Variants in CALD1 observed in about 807,000 individuals in gnomAD.
CALD1 encodes the protein caldesmon 1.
Under a neutral mutation model 99.9 loss-of-function variants are expected in CALD1, and 33 were observed. That is an observed-to-expected ratio of 0.33 (90% CI 0.25 to 0.44). CALD1 has a LOEUF of 0.44. CALD1 is among the 20% of genes least tolerant of loss of function. CALD1 has a pLI of 1.00. For missense variants in CALD1, 861 were observed against 962.1 expected, an observed-to-expected ratio of 0.89 and a Z score of 1.39; for synonymous variants, 310 against 325.0, an observed-to-expected ratio of 0.95 and a Z score of 0.50.
At chr7:134,871,826 C>T (rs550449004) in intron 3 of CALD1, among the ~76,000 whole-genome samples, 7 of 152,160 alleles carry the variant, frequency 4.6e-5, no homozygotes, top group South Asian at 2.1e-4. Context: ...TACTTTTACC[C>T]GGTGTTATAA....
chr7:134,796,050 G>A (rs750893314), intron 1 of CALD1, among the ~76,000 whole-genome samples: 6 of 152,156 alleles, frequency 3.9e-5, no homozygotes, highest in African/African-American at 9.6e-5. Context: ...ATAAAACAAC[G>A]GCTCTTTCCA....
intron 1 of CALD1, among the ~76,000 whole-genome samples, chr7:134,780,856 T>C (rs1422208994): frequency 3.3e-5 from 5 of 152,200 alleles, no homozygotes; most frequent in African/African-American, 7.2e-5. Flanking sequence ...GAGTGAAGAC[T>C]AGATGCTATA....
the CALD1 span, among the ~76,000 whole-genome samples, chr7:134,711,523 A>C: frequency 6.6e-6 from 1 of 152,128 alleles, no homozygotes; most frequent in Admixed American, 6.5e-5. Flanking sequence ...CTTCAGCAGC[A>C]ACACCAGCTC....
intron 1 of CALD1, among the ~76,000 whole-genome samples, chr7:134,765,768 T>C (rs757447649): frequency 6.6e-6 from 1 of 152,088 alleles, no homozygotes; most frequent in African/African-American, 2.4e-5. Context: ...TCAAAGGTGA[T>C]TGGATCGTGG....
chr7:134,879,712 A>G (rs1360394764), intron 3 of CALD1, among the ~76,000 whole-genome samples: 1 of 152,242 alleles, frequency 6.6e-6, no homozygotes, highest in African/African-American at 2.4e-5. Flanking sequence ...CCAGGTAGGT[A>G]GACTTAAACA....
At chr7:134,761,042 C>T (rs941281588) in intron 1 of CALD1, among the ~76,000 whole-genome samples, 8 of 152,064 alleles carry the variant, frequency 5.3e-5, no homozygotes, top group South Asian at 2.1e-4. Context: ...TAACAGCGAA[C>T]GGTGAAAAGG....
At chr7:134,829,197 C>G (rs1157025743) in intron 1 of CALD1, among the ~76,000 whole-genome samples, 1 of 152,120 alleles carries the variant, frequency 6.6e-6, no homozygotes, top group Admixed American at 6.6e-5. Context: ...CATAAGTAAC[C>G]AAACATAAAT....
chr7:134,730,572 T>C, the CALD1 span, among the ~76,000 whole-genome samples: 6 of 152,188 alleles, frequency 3.9e-5, no homozygotes, highest in African/African-American at 1.4e-4. Flanking sequence ...ATCTCAAAAA[T>C]GTCTTCTCTC....
At chr7:134,851,099 T>C (rs1800060141) in intron 2 of CALD1, among the ~76,000 whole-genome samples, 1 of 152,216 alleles carries the variant, frequency 6.6e-6, no homozygotes, top group African/African-American at 2.4e-5. Context: ...AGTGTGAGAA[T>C]AGACTAATAC....
At chr7:134,741,322 C>T (rs562509216), upstream of CALD1, among the ~76,000 whole-genome samples, 14 of 152,266 alleles carry the variant, frequency 9.2e-5, no homozygotes, top group East Asian at 1.4e-3. Context: ...ATAAAACTAT[C>T]GGATCTTGTG....
At chr7:134,852,887 A>T (rs777322132) in intron 2 of CALD1, among the ~76,000 whole-genome samples, 18 of 152,314 alleles carry the variant, frequency 1.2e-4, no homozygotes, top group Non-Finnish European at 1.9e-4. Context: ...GTGGTACTCA[A>T]AGTGGAAAAG....
intron 9 of CALD1, among the ~76,000 whole-genome samples, chr7:134,955,166 C>T (rs992640315): frequency 1.3e-5 from 2 of 152,110 alleles, no homozygotes; most frequent in Non-Finnish European, 2.9e-5. Context: ...CCAAGGTGGG[C>T]GAATCATGAG....
At chr7:134,934,105 G>C in intron 5 of CALD1, 28 bp downstream of exon 5, 1 of 1,581,920 alleles carries the variant, frequency 6.3e-7, no homozygotes, top group Non-Finnish European at 8.6e-7. Context: ...CACCAAATGT[G>C]TGATGCCTGT....
At chr7:134,867,648 C>T in intron 2 of CALD1, 45 bp from the exon 3 acceptor site, 1 of 689,018 alleles carries the variant, frequency 1.5e-6, no homozygotes, top group Non-Finnish European at 2.4e-6. Context: ...GGAGAAGTAA[C>T]ACACTGAGTT....
chr7:134,789,995 G>A (rs963872077), intron 1 of CALD1, among the ~76,000 whole-genome samples: 1 of 150,824 alleles, frequency 6.6e-6, no homozygotes, highest in Non-Finnish European at 1.5e-5. Context: ...CTGAGATTGG[G>A]TTGTTTTGCA....
intron 1 of CALD1, among the ~76,000 whole-genome samples, chr7:134,804,943 G>A (rs1029948643): frequency 2.0e-5 from 3 of 152,184 alleles, no homozygotes; most frequent in African/African-American, 7.2e-5. Context: ...CAGTCTTTCT[G>A]ATAACTCAGG....
intron 6 of CALD1, among the ~76,000 whole-genome samples, chr7:134,938,481 T>C (rs1168555454): frequency 2.6e-5 from 4 of 152,180 alleles, no homozygotes; most frequent in African/African-American, 9.7e-5. Flanking sequence ...ATGCTAATGT[T>C]ATCTGTGTAT....
intron 1 of CALD1, among the ~76,000 whole-genome samples, chr7:134,819,786 G>A (rs1361354889): frequency 6.6e-6 from 1 of 152,198 alleles, no homozygotes; most frequent in Non-Finnish European, 1.5e-5. Context: ...TGAGGCAGGA[G>A]GAATGCTTGA....
intron 3 of CALD1, among the ~76,000 whole-genome samples, chr7:134,878,223 G>C (rs1801438340): frequency 1.3e-5 from 2 of 152,168 alleles, no homozygotes. Context: ...CTCAGGTAAA[G>C]GTGTCAGTGA....
Sources: gnomAD v4.1 joint callset for allele counts (sites outside exome capture counted in the v4.1 genomes callset) on GRCh38, gnomAD v4.1.1 for gene constraint, MANE v1.5 for transcripts, NCBI Gene and HGNC (gene_info 2026-07-23, HGNC 2026-07-21) for gene names.